Variants in ARMC2 observed in about 807,000 individuals in gnomAD.
The protein encoded by ARMC2 is armadillo repeat containing 2.
ARMC2 carries 67 observed loss-of-function variants against 90.3 expected under a neutral mutation model. The ratio of observed to expected loss-of-function variants is 0.74; its 90% CI spans 0.61 to 0.91. The LOEUF (loss-of-function observed/expected upper bound fraction) is 0.91. Ranked by LOEUF, ARMC2 falls within the 40% of genes least tolerant of loss-of-function variation. The probability of loss-of-function intolerance (pLI) is 0.00; values close to 1 mark genes in which losing one functional copy is unlikely to be tolerated. For missense variants in ARMC2, 920 were observed against 1,030.9 expected (o/e 0.89, Z 1.47); for synonymous variants, 393 against 393.0 (o/e 1.00, Z 0.00).
chr6:108,915,496 A>G (rs1773863083), intron 10 of ARMC2, among the ~76,000 whole-genome samples: 1 of 152,070 alleles, frequency 6.6e-6, no homozygotes, highest in Non-Finnish European at 1.5e-5. Context: ...TTGCTTTAAC[A>G]TCTGGCACAG....
intron 12 of ARMC2, among the ~76,000 whole-genome samples, chr6:108,950,689 T>C (rs2128503086): frequency 6.6e-6 from 1 of 152,294 alleles, no homozygotes; most frequent in Non-Finnish European, 1.5e-5. Flanking sequence ...GCTTAGTACC[T>C]GGGTGACGAA....
intron 3 of ARMC2, among the ~76,000 whole-genome samples, chr6:108,864,162 T>G (rs924934328): frequency 1.3e-5 from 2 of 151,880 alleles, no homozygotes; most frequent in Non-Finnish European, 2.9e-5. Context: ...AGGACCCCAG[T>G]GTACCTGTGG....
Position 108,881,056 on chromosome 6 carries a change from A to G in ARMC2, c.671+4706A>G, listed in dbSNP as rs1190605356. 3.9e-5 allele frequency among the ~76,000 whole-genome samples: 6 copies of G among 151,992 alleles called. No individual in the cohort carries two copies. The South Asian group carries it at 8.3e-4, about 21-fold the overall frequency. On this transcript the variant is annotated intron_variant, in intron 5 of 17. Transcript: ENST00000392644. Reference sequence around the variant, plus strand: ...TTTTTAGTAGAGATGGGGTTTCACCATGTTGGCCAGGATGGTCTTGATCTC... The same window carrying G: ...TTTTTAGTAGAGATGGGGTTTCACCGTGTTGGCCAGGATGGTCTTGATCTC...
the ARMC2 span, among the ~76,000 whole-genome samples, chr6:108,983,396 C>G: frequency 6.6e-6 from 1 of 152,140 alleles, no homozygotes; most frequent in African/African-American, 2.4e-5. Context: ...TCTAGTTTTA[C>G]AGTTGTCAGT....
intron 13 of ARMC2, among the ~76,000 whole-genome samples, chr6:108,960,779 T>C (rs1777945928): frequency 6.6e-6 from 1 of 152,154 alleles, no homozygotes; most frequent in Non-Finnish European, 1.5e-5. Context: ...GGACAGTATG[T>C]TCCAGAAGAA....
chr6:108,876,053 A>G (rs1342470249), intron 4 of ARMC2, 90 bp from the exon 5 acceptor site: 1 of 1,148,086 alleles, frequency 8.7e-7, no homozygotes, highest in South Asian at 1.5e-5. Flanking sequence ...TTTAAATCAT[A>G]TAAATTCTTA....
downstream of ARMC2, among the ~76,000 whole-genome samples, chr6:108,978,370 T>C (rs1297118928): frequency 2.0e-5 from 3 of 151,912 alleles, no homozygotes; most frequent in Admixed American, 1.3e-4. Flanking sequence ...GAGACTGTTA[T>C]GATTTCTGTT....
At chr6:108,909,518 T>C (rs1773181621) in intron 8 of ARMC2, among the ~76,000 whole-genome samples, 2 of 152,014 alleles carry the variant, frequency 1.3e-5, no homozygotes. Flanking sequence ...TTTTGTATGA[T>C]TTAGAAGAGA....
At chr6:108,877,351 C>T (rs1777042072) in intron 5 of ARMC2, among the ~76,000 whole-genome samples, 1 of 152,192 alleles carries the variant, frequency 6.6e-6, no homozygotes, top group Non-Finnish European at 1.5e-5. Context: ...CTGAACCGAC[C>T]TTGTCTGCTG....
intron 7 of ARMC2, 125 bp from the exon 8 acceptor site, chr6:108,904,105 G>A: frequency 8.9e-7 from 1 of 1,122,606 alleles, no homozygotes. Context: ...AAAAAATAGA[G>A]GTCAGGAATT....
intron 12 of ARMC2, among the ~76,000 whole-genome samples, chr6:108,943,118 G>A (rs1052063647): frequency 6.6e-6 from 1 of 152,138 alleles, no homozygotes; most frequent in African/African-American, 2.4e-5. Flanking sequence ...CCCATCTGCT[G>A]TTGTTTTCCA....
intron 12 of ARMC2, among the ~76,000 whole-genome samples, chr6:108,941,921 A>G (rs1350476798): frequency 6.6e-6 from 1 of 152,242 alleles, no homozygotes; most frequent in Non-Finnish European, 1.5e-5. Context: ...TAAGAAAAAT[A>G]CATAATTTAT....
the ARMC2 span, among the ~76,000 whole-genome samples, chr6:108,996,075 C>G: frequency 3.3e-5 from 5 of 152,160 alleles, no homozygotes; most frequent in African/African-American, 1.2e-4. Context: ...GCTCCCTTCC[C>G]AGACCAAACC....
chr6:108,937,284 T>TG (rs1162770006), intron 12 of ARMC2, among the ~76,000 whole-genome samples: 1 of 151,654 alleles, frequency 6.6e-6, no homozygotes, highest in Non-Finnish European at 1.5e-5. Flanking sequence ...AAAACCTACC[T>TG]GGGAGTCACC....
chr6:108,908,145 G>GA (rs1213419531), intron 8 of ARMC2, among the ~76,000 whole-genome samples: 1 of 151,956 alleles, frequency 6.6e-6, no homozygotes, highest in African/African-American at 2.4e-5. Context: ...TGCTGGGGGG[G>GA]GCCTGAGATT....
chr6:108,869,825 C>A (rs1776207445), intron 4 of ARMC2, among the ~76,000 whole-genome samples: 1 of 152,090 alleles, frequency 6.6e-6, no homozygotes, highest in Admixed American at 6.5e-5. Flanking sequence ...ACTCCCCATC[C>A]AGGGCATACT....
intron 2 of ARMC2, among the ~76,000 whole-genome samples, chr6:108,856,901 C>T (rs1774682100): frequency 6.6e-6 from 1 of 152,156 alleles, no homozygotes. Flanking sequence ...TAGTTTTGTG[C>T]CCTCTATTCT....
chr6:108,955,855 G>T (rs955938393), intron 13 of ARMC2, among the ~76,000 whole-genome samples: 1 of 152,170 alleles, frequency 6.6e-6, no homozygotes, highest in East Asian at 1.9e-4. Context: ...CACTGAGCAG[G>T]GCTTCTCAGC....
intron 10 of ARMC2, among the ~76,000 whole-genome samples, chr6:108,925,923 G>T (rs1220027913): frequency 6.6e-6 from 1 of 152,104 alleles, no homozygotes; most frequent in Non-Finnish European, 1.5e-5. Context: ...CTCCTGACTT[G>T]GGTTATTTAT....
Sources: gnomAD v4.1 joint callset for allele counts (sites outside exome capture counted in the v4.1 genomes callset) on GRCh38, gnomAD v4.1.1 for gene constraint, MANE v1.5 for transcripts, NCBI Gene and HGNC (gene_info 2026-07-23, HGNC 2026-07-21) for gene names.